The following BCL2L13 variants were observed in gnomAD, a reference collection of about 807,000 sequenced individuals.
The protein encoded by BCL2L13 is BCL2 like 13.
A neutral mutation model predicts 25.8 loss-of-function variants in BCL2L13; 13 were observed. The ratio of observed to expected loss-of-function variants is 0.50; its 90% confidence interval spans 0.33 to 0.80. The LOEUF (loss-of-function observed/expected upper bound fraction) is 0.80, where lower values mean the gene tolerates loss of function less well. Ranked by LOEUF, BCL2L13 falls within the 30% of genes least tolerant of loss-of-function variation. The pLI, the probability that BCL2L13 is intolerant of heterozygous loss-of-function variation, is 0.02. For synonymous variants in BCL2L13, 244 were observed against 230.3 expected, an observed-to-expected ratio of 1.06 and a Z score of -0.54; for missense variants, 504 against 574.9, an observed-to-expected ratio of 0.88 and a Z score of 1.26.
chr22:17,706,774 C>G (rs1404187478), intron 6 of BCL2L13: 1 of 1,351,928 alleles, frequency 7.4e-7, no homozygotes, highest in Non-Finnish European at 9.8e-7. Flanking sequence ...GCTTGTGTTG[C>G]TACGTTAGAA....
intron 2 of BCL2L13, among the ~76,000 whole-genome samples, chr22:17,657,905 C>T (rs1338477709): frequency 7.3e-6 from 1 of 137,852 alleles, no homozygotes; most frequent in Non-Finnish European, 1.5e-5. Flanking sequence ...TCACTGCAAC[C>T]TCCGACTGCC....
In BCL2L13 at chr22:17,727,264, G is replaced by A. The variant is rs771669104; in HGVS notation, c.1188G>A (p.Glu396=). The A allele has an allele frequency of 2.5e-6, 4 of 1,614,266 alleles. No homozygotes were observed. Among genetic ancestry groups the A allele is most frequent in the Non-Finnish European group, 3.4e-6 (4 of 1,180,050 alleles). The change falls in exon 7 of 7, where the codon GAG becomes GAA. Residue 396 remains glutamate (E), a synonymous_variant. Coordinates refer to ENST00000317582, the MANE Select transcript of BCL2L13 (RefSeq NM_015367.4). The part of the protein sequence containing the change: ...KAATTEPTEV[E]EVVPALEPTE... ...CAACAACTGAACCTACTGAAGTGGAGGAGGTGGTCCCCGCACTGGAACCCA... is the reference window on the plus strand; with the variant it reads ...CAACAACTGAACCTACTGAAGTGGAAGAGGTGGTCCCCGCACTGGAACCCA...
intron 1 of BCL2L13, among the ~76,000 whole-genome samples, chr22:17,649,247 G>A (rs566482437): frequency 1.4e-4 from 22 of 151,994 alleles, no homozygotes; most frequent in Non-Finnish European, 2.4e-4. Context: ...ATAGGCGCAC[G>A]CCACCATGCC....
intron 4 of BCL2L13, among the ~76,000 whole-genome samples, chr22:17,694,161 T>A (rs528722931): frequency 1.3e-5 from 2 of 152,248 alleles, no homozygotes; most frequent in Non-Finnish European, 2.9e-5. Context: ...TTTAAATCTG[T>A]TATCTGAACA....
chr22:17,687,555 C>T (rs931534335), intron 3 of BCL2L13, among the ~76,000 whole-genome samples: 45 of 151,940 alleles, frequency 3.0e-4, no homozygotes, highest in African/African-American at 1.0e-3. Context: ...CTCGCTCTGT[C>T]ACCCAGGCTG....
intron 1 of BCL2L13, among the ~76,000 whole-genome samples, chr22:17,648,956 G>A (rs2058585824): frequency 6.6e-6 from 1 of 152,056 alleles, no homozygotes; most frequent in African/African-American, 2.4e-5. Context: ...TTAATTAGAG[G>A]CAGGGTGTTA....
chr22:17,712,596 G>T (rs1389653629), intron 6 of BCL2L13, among the ~76,000 whole-genome samples: 1 of 152,138 alleles, frequency 6.6e-6, no homozygotes, highest in African/African-American at 2.4e-5. Context: ...AAGCCTTTGG[G>T]TATATAAATT....
Position 17,655,043 on chromosome 22 carries a change from C to CT in BCL2L13, c.-50-613dup, listed in dbSNP as rs1375910684. On this transcript the variant is annotated intron_variant, in intron 1 of 6. Transcript: ENST00000317582. ...ATTGCCTGTATCCTTATTTTATAAG[C>CT]TTTTTTCTGTTTTTAAATTTTCTTT... Among the ~76,000 whole-genome samples, 13 of 143,380 alleles carry CT rather than the reference C, an allele frequency of 9.1e-5. No individual in the cohort carries two copies. The East Asian group carries it at 2.7e-3, about 30-fold the overall frequency. 94.1% of individuals were successfully genotyped at this position (143,380 alleles called of 152,430 possible). A position where few individuals can be genotyped will look rare whatever the true frequency, so the allele number is the denominator to read the frequency against.
intron 2 of BCL2L13, among the ~76,000 whole-genome samples, chr22:17,664,125 A>G (rs1482514674): frequency 6.6e-6 from 1 of 152,162 alleles, no homozygotes; most frequent in African/African-American, 2.4e-5. Flanking sequence ...CTGGGATTAC[A>G]GGTGTGAGCC....
chr22:17,633,489 G>GCT (rs1226944938), intron 1 of BCL2L13, among the ~76,000 whole-genome samples: 1 of 152,104 alleles, frequency 6.6e-6, no homozygotes, highest in Non-Finnish European at 1.5e-5. Flanking sequence ...CTCCCTCCTA[G>GCT]ATAAGCCTAT....
At chr22:17,691,142 C>T (rs970558892) in intron 4 of BCL2L13, among the ~76,000 whole-genome samples, 2 of 152,082 alleles carry the variant, frequency 1.3e-5, no homozygotes, top group African/African-American at 2.4e-5. Flanking sequence ...GCTAAGATTA[C>T]AGGTGTGAGC....
At chr22:17,716,017 A>G (rs1404019916) in intron 6 of BCL2L13, among the ~76,000 whole-genome samples, 1 of 152,218 alleles carries the variant, frequency 6.6e-6, no homozygotes, top group Non-Finnish European at 1.5e-5. Flanking sequence ...CCTGGGGGAT[A>G]ACAAAGAAGT....
chr22:17,654,623 A>G (rs1017694215), intron 1 of BCL2L13, among the ~76,000 whole-genome samples: 5 of 146,718 alleles, frequency 3.4e-5, no homozygotes, highest in Admixed American at 6.8e-5. Flanking sequence ...ACGGGGTTTC[A>G]CTCTGTTAGC....
At chr22:17,662,179 T>C (rs1433885056) in intron 2 of BCL2L13, among the ~76,000 whole-genome samples, 1 of 152,094 alleles carries the variant, frequency 6.6e-6, no homozygotes, top group African/African-American at 2.4e-5. Flanking sequence ...TAAATCATGC[T>C]TAAAACAGTT....
intron 6 of BCL2L13, chr22:17,703,473 C>G (rs1396978649): frequency 1.3e-5 from 2 of 151,920 alleles, no homozygotes; most frequent in East Asian, 3.9e-4. Context: ...TTTATGCGGA[C>G]TCTCTTTCTT....
rs534153076 is a variant in BCL2L13, at chr22:17,651,729, C to G, written c.-50-3933C>G. Among the ~76,000 whole-genome samples, 22 of 145,422 alleles carry G rather than the reference C, an allele frequency of 1.5e-4. 1 individual carries two copies. Among genetic ancestry groups the G allele is most frequent in the Admixed American group, 1.2e-3 (17 of 14,452 alleles). ...TTTTTGAGACGGAGTCTCACTCTGT[C>G]GCCCAGGCTGGAGTGCAGTGGCGCG... On this transcript the variant is annotated intron_variant, in intron 1 of 6. Coordinates refer to ENST00000317582, the MANE Select transcript of BCL2L13 (RefSeq NM_015367.4).
chr22:17,661,326 C>T (rs140814308), intron 2 of BCL2L13, among the ~76,000 whole-genome samples: 1,574 of 145,108 alleles, frequency 0.011, 73 homozygotes, highest in African/African-American at 0.035. Flanking sequence ...CTCCTAACCT[C>T]GTGTTCCACC....
intron 2 of BCL2L13, among the ~76,000 whole-genome samples, chr22:17,671,953 A>G (rs2059432456): frequency 6.6e-6 from 1 of 152,240 alleles, no homozygotes; most frequent in African/African-American, 2.4e-5. Flanking sequence ...ACCTCAGGTG[A>G]TCCGCTCGCC....
intron 1 of BCL2L13, among the ~76,000 whole-genome samples, chr22:17,630,122 G>T (rs2057975528): frequency 1.3e-5 from 2 of 151,318 alleles, no homozygotes; most frequent in South Asian, 4.2e-4. Context: ...AGAGGCTGAG[G>T]CAGGAGAATT....
Sources: gnomAD v4.1 joint callset for allele counts (sites outside exome capture counted in the v4.1 genomes callset) on GRCh38, gnomAD v4.1.1 for gene constraint, MANE v1.5 for transcripts, NCBI Gene and HGNC (gene_info 2026-07-23, HGNC 2026-07-21) for gene names.